SLC28A3: variants seen among roughly 807,000 people sequenced by gnomAD.
The protein encoded by SLC28A3 is solute carrier family 28 member 3.
A neutral mutation model predicts 84.2 loss-of-function variants in SLC28A3; 68 were observed. The observed-to-expected ratio is 0.81, with a 90% CI of 0.66 to 0.99. SLC28A3 has a LOEUF of 0.99. Among genes scored for constraint, SLC28A3 ranks in the 50% least tolerant of loss-of-function variants. The pLI is 0.00. For missense variants in SLC28A3, 712 were observed against 841.5 expected, an observed-to-expected ratio of 0.85 and a Z score of 1.90; for synonymous variants, 267 against 303.6, an observed-to-expected ratio of 0.88 and a Z score of 1.25.
At chr9:84,347,001 G>T in the SLC28A3 span, among the ~76,000 whole-genome samples, 1 of 151,834 alleles carries the variant, frequency 6.6e-6, no homozygotes, top group Non-Finnish European at 1.5e-5. Context: ...ATGGTAAAAT[G>T]CTGTCCCTAC....
upstream of SLC28A3, among the ~76,000 whole-genome samples, chr9:84,343,536 C>T (rs921211872): frequency 2.0e-5 from 3 of 152,104 alleles, no homozygotes; most frequent in Non-Finnish European, 2.9e-5. Flanking sequence ...TACAGCCAAC[C>T]ACAGCTTGAG....
chr9:84,305,246 T>G lies in SLC28A3; in HGVS notation c.334+8A>C, dbSNP rs533479821. On this transcript the variant is annotated splice_region_variant and intron_variant, in intron 4 of 17. Transcript: ENST00000376238. ...ACAGTGGTATCCCTAACCATCTTTGTTATTTACCTGCTAATAAAATGCCCC... is the reference window on the plus strand; with the variant it reads ...ACAGTGGTATCCCTAACCATCTTTGGTATTTACCTGCTAATAAAATGCCCC... The G allele has an allele frequency of 3.1e-6, 5 of 1,607,748 alleles. No individual in the cohort carries two copies. In the Admixed American group the frequency reaches 8.5e-5, roughly 27 times the overall value.
intron 1 of SLC28A3, among the ~76,000 whole-genome samples, chr9:84,326,479 C>A (rs1460272155): frequency 6.6e-6 from 1 of 152,192 alleles, no homozygotes; most frequent in Non-Finnish European, 1.5e-5. Context: ...AACCTCCCTG[C>A]AGCCTACTCT....
In SLC28A3 at chr9:84,278,157, C is replaced by A; in HGVS notation, c.*61G>T. 6.7e-7 allele frequency: 1 copy of A among 1,501,804 alleles called. No individual in the cohort carries two copies. The highest frequency in any genetic ancestry group is 8.9e-7 in the Non-Finnish European group (1 of 1,122,776). 93.0% of individuals were successfully genotyped at this position (1,501,804 alleles called of 1,614,324 possible). A position where few individuals can be genotyped will look rare whatever the true frequency, so the allele number is the denominator to read the frequency against. ...GTGGACAATAGCTTCTTTTTTTTTT[C>A]TTTCCAAAGCAGAAAATTCAGCATC... is the stretch of plus-strand genomic sequence containing the variant. On this transcript the variant is annotated 3_prime_UTR_variant, in exon 18 of 18. Transcript: ENST00000376238.
chr9:84,278,266 C>T lies in SLC28A3; in HGVS notation c.2028G>A (p.Leu676=), dbSNP rs1361342085. The stretch of plus-strand genomic sequence containing the variant: ...TGCAGTTAAAGGTCGATGGATTCAA[C>T]AATGTGCAGCAGCCCTTCAAAGAAT... The part of the protein sequence containing the change: ...SLYSLKGCCT[L]LNPSTFNCNG... Residue 676 remains leucine, a synonymous_variant, in exon 18 of 18, where the codon TTG becomes TTA. Transcript: ENST00000376238. The T allele has an allele frequency of 6.2e-7, 1 of 1,613,926 alleles. No homozygotes were observed. The highest frequency in any genetic ancestry group is 8.5e-7 in the Non-Finnish European group (1 of 1,180,008).
intron 8 of SLC28A3, among the ~76,000 whole-genome samples, chr9:84,294,491 GC>G (rs2118209174): frequency 6.6e-6 from 1 of 152,306 alleles, no homozygotes; most frequent in African/African-American, 2.4e-5. Flanking sequence ...TCTATGGTGA[GC>G]TTTTTTTGCT....
intron 11 of SLC28A3, among the ~76,000 whole-genome samples, chr9:84,288,581 G>T (rs1483611502): frequency 1.3e-5 from 2 of 150,630 alleles, no homozygotes; most frequent in African/African-American, 2.5e-5. Context: ...ATGGAGTCTT[G>T]CTCCGTCACC....
intron 2 of SLC28A3, among the ~76,000 whole-genome samples, chr9:84,312,502 ACTC>A (rs1352966989): frequency 6.7e-6 from 1 of 150,086 alleles, no homozygotes; most frequent in Middle Eastern, 3.2e-3. Flanking sequence ...CCACGAGAAA[ACTC>A]CTCACAAAAT....
At chr9:84,291,163 G>A (rs1825205189) in intron 10 of SLC28A3, among the ~76,000 whole-genome samples, 1 of 152,156 alleles carries the variant, frequency 6.6e-6, no homozygotes, top group African/African-American at 2.4e-5. Flanking sequence ...CGACTAAATA[G>A]GAACCCTGTG....
rs1770188711 is a variant in SLC28A3, at chr9:84,325,982, T to C, written c.61-12528A>G. On this transcript the variant is annotated intron_variant, in intron 1 of 17. Transcript: ENST00000376238. ...GGCTTCTTATAAGGACTAGGTTAAA[T>C]ACCTAGTCCTTGTGTGGGGTAGAAG... is the stretch of plus-strand genomic sequence containing the variant. Among the ~76,000 whole-genome samples the C allele has an allele frequency of 2.0e-5, 3 of 152,212 alleles. No individual in the cohort carries two copies. The South Asian group carries it at 6.2e-4, about 31-fold the overall frequency.
intron 1 of SLC28A3, among the ~76,000 whole-genome samples, chr9:84,335,803 A>G (rs961474825): frequency 2.0e-5 from 3 of 152,046 alleles, no homozygotes; most frequent in African/African-American, 7.2e-5. Context: ...AACAATCCCA[A>G]GATAGGTACC....
At chr9:84,295,458 T>A (rs12345388) in intron 8 of SLC28A3, among the ~76,000 whole-genome samples, 1 of 151,916 alleles carries the variant, frequency 6.6e-6, no homozygotes, top group East Asian at 1.9e-4. Context: ...GGTGGCACAC[T>A]CATGTAATCC....
intron 16 of SLC28A3, 92 bp from the exon 17 acceptor site, chr9:84,279,477 T>G: frequency 1.5e-5 from 16 of 1,034,250 alleles, no homozygotes; most frequent in Non-Finnish European, 1.7e-5. Flanking sequence ...AGTCTTGCGC[T>G]TTTGCCCAGG....
At chr9:84,294,888 G>A (rs147651318) in intron 8 of SLC28A3, among the ~76,000 whole-genome samples, 80 of 148,212 alleles carry the variant, frequency 5.4e-4, no homozygotes, top group African/African-American at 2.0e-3. Flanking sequence ...GGCCCATTCC[G>A]TGGAAAGCAG....
At chr9:84,334,651 A>T (rs572392782) in intron 1 of SLC28A3, among the ~76,000 whole-genome samples, 2 of 151,240 alleles carry the variant, frequency 1.3e-5, no homozygotes, top group South Asian at 4.2e-4. Flanking sequence ...TAACATAAAA[A>T]CACCTCCCCA....
At chr9:84,318,196 A>T (rs1490548634) in intron 1 of SLC28A3, among the ~76,000 whole-genome samples, 1 of 151,986 alleles carries the variant, frequency 6.6e-6, no homozygotes, top group Non-Finnish European at 1.5e-5. Context: ...TTCCCCAGAG[A>T]TGTTCTTGTT....
intron 3 of SLC28A3, among the ~76,000 whole-genome samples, chr9:84,308,067 T>C (rs1358780694): frequency 6.6e-6 from 1 of 152,198 alleles, no homozygotes; most frequent in African/African-American, 2.4e-5. Flanking sequence ...CCAACCCTAA[T>C]TCTGGCCAAC....
intron 1 of SLC28A3, among the ~76,000 whole-genome samples, chr9:84,319,078 G>C (rs1177691772): frequency 6.6e-6 from 1 of 152,110 alleles, no homozygotes. Context: ...TGCCAAAGTA[G>C]AAAAAATCAT....
intron 2 of SLC28A3, among the ~76,000 whole-genome samples, chr9:84,311,258 T>C (rs1825978204): frequency 6.6e-6 from 1 of 152,142 alleles, no homozygotes; most frequent in Admixed American, 6.5e-5. Flanking sequence ...TAAATTTTTG[T>C]TTTTATGAAA....
Sources: gnomAD v4.1 joint callset for allele counts (sites outside exome capture counted in the v4.1 genomes callset) on GRCh38, gnomAD v4.1.1 for gene constraint, MANE v1.5 for transcripts, NCBI Gene and HGNC (gene_info 2026-07-23, HGNC 2026-07-21) for gene names.